MBNL2: variants seen among roughly 807,000 people sequenced by gnomAD.
MBNL2 encodes the protein muscleblind-like protein 2.
Under a neutral mutation model 41.9 loss-of-function variants are expected in MBNL2, and 17 were observed. That is an observed-to-expected ratio of 0.41 (90% CI 0.28 to 0.61). The LOEUF is 0.61. Among genes scored for constraint, MBNL2 ranks in the 20% least tolerant of loss-of-function variants. MBNL2 has a pLI of 0.35. For missense variants in MBNL2, 336 were observed against 505.6 expected (o/e 0.66, Z 3.22); for synonymous variants, 195 against 182.9 (o/e 1.07, Z -0.53).
intron 8 of MBNL2, among the ~76,000 whole-genome samples, chr13:97,387,627 G>C (rs2153169176): frequency 6.6e-6 from 1 of 152,294 alleles, no homozygotes; most frequent in East Asian, 1.9e-4. Flanking sequence ...CCCTATCTCA[G>C]ACCGTCCCCA....
the MBNL2 span, among the ~76,000 whole-genome samples, chr13:97,147,843 A>G: frequency 6.6e-6 from 1 of 152,176 alleles, no homozygotes. Flanking sequence ...AGGAGGTAAG[A>G]AAGTGGGTTC....
chr13:97,241,188 G>T (rs1307492240), intron 1 of MBNL2, among the ~76,000 whole-genome samples: 1 of 152,192 alleles, frequency 6.6e-6, no homozygotes, highest in Non-Finnish European at 1.5e-5. Flanking sequence ...TGCTGACCCA[G>T]TTGCCTGTGT....
chr13:97,311,649 AT>A (rs35624324), intron 2 of MBNL2, among the ~76,000 whole-genome samples: 55,238 of 150,200 alleles, frequency 0.37, 12,424 homozygotes, highest in East Asian at 0.54. Context: ...TTTAGAGGGG[AT>A]TTTTTTTCTT....
intron 2 of MBNL2, among the ~76,000 whole-genome samples, chr13:97,312,957 T>G (rs1566410106): frequency 6.6e-6 from 1 of 152,258 alleles, no homozygotes; most frequent in African/African-American, 2.4e-5. Context: ...TTATTCAGTC[T>G]ACAAGCAGTA....
At chr13:97,377,880 G>A (rs1594289886) in intron 8 of MBNL2, among the ~76,000 whole-genome samples, 1 of 152,304 alleles carries the variant, frequency 6.6e-6, no homozygotes, top group Non-Finnish European at 1.5e-5. Flanking sequence ...TGGAGTTTTT[G>A]ATCAGTTGGT....
intron 3 of MBNL2, among the ~76,000 whole-genome samples, chr13:97,339,720 G>A (rs1445268935): frequency 1.3e-5 from 2 of 152,008 alleles, no homozygotes; most frequent in Non-Finnish European, 2.9e-5. Context: ...TTCAGGATCT[G>A]AGAACCACTT....
chr13:97,257,575 T>C (rs954437855), intron 1 of MBNL2, among the ~76,000 whole-genome samples: 5 of 152,190 alleles, frequency 3.3e-5, no homozygotes, highest in African/African-American at 1.2e-4. Flanking sequence ...AAGATACAGC[T>C]AACAGGACAG....
intron 5 of MBNL2, among the ~76,000 whole-genome samples, chr13:97,354,282 A>G (rs533666291): frequency 2.6e-5 from 4 of 152,326 alleles, no homozygotes; most frequent in Non-Finnish European, 4.4e-5. Context: ...AGATCTTTCA[A>G]TGTAGGTAAA....
intron 2 of MBNL2, among the ~76,000 whole-genome samples, chr13:97,304,626 T>A (rs976304144): frequency 5.3e-5 from 8 of 152,266 alleles, no homozygotes; most frequent in African/African-American, 1.7e-4. Context: ...CAGATGATCT[T>A]ATGCAAGTCA....
At chr13:97,329,451 C>G (rs61972768) in intron 2 of MBNL2, among the ~76,000 whole-genome samples, 48,953 of 151,868 alleles carry the variant, frequency 0.32, 10,031 homozygotes, top group African/African-American at 0.59. Context: ...CCCCTTGGCT[C>G]GTCTCCCATT....
At chr13:97,347,202 T>G in intron 5 of MBNL2, 135 bp downstream of exon 5, 1 of 696,730 alleles carries the variant, frequency 1.4e-6, no homozygotes, top group Non-Finnish European at 2.3e-6. Context: ...GCCTAAGTTT[T>G]GCTGTTGTTT....
At chr13:97,258,716 T>C (rs1003834269) in intron 1 of MBNL2, among the ~76,000 whole-genome samples, 9 of 152,110 alleles carry the variant, frequency 5.9e-5, no homozygotes, top group Non-Finnish European at 1.2e-4. Flanking sequence ...GAATAATTGG[T>C]TTCTGCAAAA....
At chr13:97,247,279 A>C (rs2045660730) in intron 1 of MBNL2, among the ~76,000 whole-genome samples, 1 of 152,208 alleles carries the variant, frequency 6.6e-6, no homozygotes, top group Non-Finnish European at 1.5e-5. Flanking sequence ...CTTATTTTCA[A>C]GAATATTTGG....
chr13:97,196,076 T>A, the MBNL2 span, among the ~76,000 whole-genome samples: 1 of 152,128 alleles, frequency 6.6e-6, no homozygotes, highest in Non-Finnish European at 1.5e-5. Flanking sequence ...CATAAAACAA[T>A]AAGAAATATA....
chr13:97,196,795 C>T, the MBNL2 span, among the ~76,000 whole-genome samples: 2 of 152,174 alleles, frequency 1.3e-5, no homozygotes, highest in South Asian at 4.1e-4. Context: ...TGTGGTATTC[C>T]TTACACACTT....
the MBNL2 span, among the ~76,000 whole-genome samples, chr13:97,163,008 A>C: frequency 6.6e-6 from 1 of 152,146 alleles, no homozygotes; most frequent in African/African-American, 2.4e-5. Flanking sequence ...ATGCTCGAGA[A>C]AACCATTTCC....
At chr13:97,143,004 C>T in the MBNL2 span, among the ~76,000 whole-genome samples, 1 of 152,216 alleles carries the variant, frequency 6.6e-6, no homozygotes. Context: ...GAACTCTTCA[C>T]TTCCTACCTA....
At chr13:97,182,451 A>C in the MBNL2 span, among the ~76,000 whole-genome samples, 1 of 152,080 alleles carries the variant, frequency 6.6e-6, no homozygotes, top group African/African-American at 2.4e-5. Flanking sequence ...TCTTTCCTCT[A>C]CCTTCCTCCA....
At chr13:97,320,691 A>G (rs2059428330) in intron 2 of MBNL2, among the ~76,000 whole-genome samples, 1 of 151,926 alleles carries the variant, frequency 6.6e-6, no homozygotes, top group South Asian at 2.1e-4. Context: ...AGGTGGGTGG[A>G]TCACCTGAGA....
Sources: allele counts gnomAD v4.1 joint callset (sites outside exome capture counted in the v4.1 genomes callset), GRCh38; gene constraint gnomAD v4.1.1; transcripts MANE v1.5; gene names NCBI Gene and HGNC (gene_info 2026-07-23, HGNC 2026-07-21).